The following SLC9A9 variants were observed in gnomAD, a reference collection of about 807,000 sequenced individuals.
SLC9A9 encodes sodium/hydrogen exchanger 9.
A neutral mutation model predicts 77.8 loss-of-function variants in SLC9A9; 62 were observed. That is an observed-to-expected ratio of 0.80 (90% CI 0.65 to 0.98). The LOEUF (loss-of-function observed/expected upper bound fraction) is 0.98, where lower values mean the gene tolerates loss of function less well. Among genes scored for constraint, SLC9A9 ranks in the 50% least tolerant of loss-of-function variants. SLC9A9 has a pLI of 0.00. For synonymous variants in SLC9A9, 320 were observed against 283.5 expected, an observed-to-expected ratio of 1.13 and a Z score of -1.29; for missense variants, 775 against 774.9, an observed-to-expected ratio of 1.00 and a Z score of 0.00.
At chr3:143,394,574 T>C (rs1291545318) in intron 12 of SLC9A9, among the ~76,000 whole-genome samples, 1 of 152,180 alleles carries the variant, frequency 6.6e-6, no homozygotes, top group Non-Finnish European at 1.5e-5. Flanking sequence ...ACCACTCTTA[T>C]TCAACACAGG....
At chr3:143,338,808 A>G (rs2032005177) in intron 14 of SLC9A9, among the ~76,000 whole-genome samples, 1 of 152,148 alleles carries the variant, frequency 6.6e-6, no homozygotes, top group African/African-American at 2.4e-5. Flanking sequence ...TTTAAATATT[A>G]GAAAACAGAG....
intron 9 of SLC9A9, among the ~76,000 whole-genome samples, chr3:143,549,043 G>A (rs772109858): frequency 2.6e-5 from 4 of 152,308 alleles, no homozygotes; most frequent in South Asian, 2.1e-4. Context: ...CTACCTTCCC[G>A]TTGACAGTGT....
intron 5 of SLC9A9, among the ~76,000 whole-genome samples, chr3:143,677,077 G>A (rs1353251799): frequency 6.6e-6 from 1 of 152,168 alleles, no homozygotes; most frequent in East Asian, 1.9e-4. Context: ...GTTCATTGCT[G>A]AGTTGAGTCT....
chr3:143,289,721 C>G (rs1474727303), intron 14 of SLC9A9, among the ~76,000 whole-genome samples: 1 of 152,216 alleles, frequency 6.6e-6, no homozygotes, highest in African/African-American at 2.4e-5. Context: ...CCCACAGCTG[C>G]TGCCAGCACC....
intron 4 of SLC9A9, among the ~76,000 whole-genome samples, chr3:143,719,543 C>T (rs747101217): frequency 1.3e-5 from 2 of 151,658 alleles, no homozygotes; most frequent in Non-Finnish European, 1.5e-5. Context: ...TGAGGATCTG[C>T]TTATTTTCCC....
chr3:143,724,443 A>G (rs1189832797), intron 4 of SLC9A9, among the ~76,000 whole-genome samples: 9 of 152,180 alleles, frequency 5.9e-5, no homozygotes, highest in Admixed American at 5.9e-4. Flanking sequence ...GCAGTGTGAG[A>G]ATGGACTAAC....
chr3:143,845,909 AAAG>A (rs1205097275), intron 1 of SLC9A9, among the ~76,000 whole-genome samples: 1 of 152,238 alleles, frequency 6.6e-6, no homozygotes, highest in African/African-American at 2.4e-5. Context: ...AAAACTCATG[AAAG>A]AAGAATAGGA....
In SLC9A9 at chr3:143,635,617, C is replaced by T. The variant is rs1014481007; in HGVS notation, c.755+16638G>A. 2.0e-5 allele frequency among the ~76,000 whole-genome samples: 3 copies of T among 152,304 alleles called. No individual in the cohort carries two copies. The South Asian group carries it at 6.2e-4, about 32-fold the overall frequency. On this transcript the variant is annotated intron_variant, in intron 6 of 15. Transcript: ENST00000316549. ...CCATACAAATAGCCTCCAGCAGAGT[C>T]CTTGGCTAGGAAACCAGAATGTGTC...
At chr3:143,320,943 T>C (rs1303055142) in intron 14 of SLC9A9, among the ~76,000 whole-genome samples, 2 of 152,144 alleles carry the variant, frequency 1.3e-5, no homozygotes, top group Admixed American at 6.5e-5. Flanking sequence ...GAGAATGCCA[T>C]GTGAAGACAA....
intron 8 of SLC9A9, among the ~76,000 whole-genome samples, chr3:143,557,464 G>T (rs1331151000): frequency 6.6e-6 from 1 of 152,138 alleles, no homozygotes; most frequent in Non-Finnish European, 1.5e-5. Flanking sequence ...ACAGTTTGGA[G>T]GGCTCAGAAG....
intron 1 of SLC9A9, among the ~76,000 whole-genome samples, chr3:143,840,674 AG>A (rs1258785754): frequency 6.6e-6 from 1 of 152,168 alleles, no homozygotes; most frequent in Non-Finnish European, 1.5e-5. Flanking sequence ...AACATTTCAG[AG>A]GCTTCAAGGT....
chr3:143,573,709 C>G (rs1394741397), intron 8 of SLC9A9, among the ~76,000 whole-genome samples: 1 of 152,120 alleles, frequency 6.6e-6, no homozygotes, highest in Non-Finnish European at 1.5e-5. Flanking sequence ...TTGAAACCTA[C>G]TGTTAAGAGC....
At chr3:143,307,062 A>C (rs2030819216) in intron 14 of SLC9A9, among the ~76,000 whole-genome samples, 1 of 152,144 alleles carries the variant, frequency 6.6e-6, no homozygotes, top group African/African-American at 2.4e-5. Flanking sequence ...TATGAAACTT[A>C]TGGTGCCATA....
intron 11 of SLC9A9, among the ~76,000 whole-genome samples, chr3:143,480,608 C>T (rs1442305723): frequency 2.0e-5 from 3 of 152,182 alleles, no homozygotes; most frequent in Non-Finnish European, 2.9e-5. Context: ...ACTCCCATAG[C>T]TTTGCTCACT....
chr3:143,576,793 C>T (rs2037367212), intron 7 of SLC9A9, among the ~76,000 whole-genome samples: 3 of 152,270 alleles, frequency 2.0e-5, no homozygotes, highest in South Asian at 4.2e-4. Context: ...GAAAACACGT[C>T]GTAGGCAGCC....
intron 6 of SLC9A9, among the ~76,000 whole-genome samples, chr3:143,635,178 T>G (rs2038498205): frequency 1.3e-5 from 2 of 152,230 alleles, no homozygotes; most frequent in South Asian, 4.1e-4. Flanking sequence ...CCCACATGTC[T>G]GGCAAGTCTT....
intron 11 of SLC9A9, among the ~76,000 whole-genome samples, chr3:143,484,709 G>C (rs1268241484): frequency 6.6e-6 from 1 of 152,164 alleles, no homozygotes; most frequent in Non-Finnish European, 1.5e-5. Context: ...TTTAACTTTT[G>C]TTCTCATGAC....
chr3:143,517,058 A>T, intron 9 of SLC9A9: 1 of 924,614 alleles, frequency 1.1e-6, no homozygotes, highest in South Asian at 1.6e-5. Flanking sequence ...AATAAATAGC[A>T]TGTCAATTTC....
intron 12 of SLC9A9, among the ~76,000 whole-genome samples, chr3:143,389,968 C>T (rs912726530): frequency 2.6e-5 from 4 of 152,250 alleles, no homozygotes; most frequent in African/African-American, 4.8e-5. Flanking sequence ...AGCTGGGATG[C>T]TGCTGAGAGC....
Sources: allele counts gnomAD v4.1 joint callset (sites outside exome capture counted in the v4.1 genomes callset), GRCh38; gene constraint gnomAD v4.1.1; transcripts MANE v1.5; gene names NCBI Gene and HGNC (gene_info 2026-07-23, HGNC 2026-07-21).